Variants in LUZP2 observed in about 807,000 individuals in gnomAD.
LUZP2 encodes leucine zipper protein 2.
A neutral mutation model predicts 51.6 loss-of-function variants in LUZP2; 52 were observed. That is an observed-to-expected ratio of 1.01 (90% CI 0.81 to 1.27). The LOEUF is 1.27. Among genes scored for constraint, LUZP2 ranks in the 50% most tolerant of loss-of-function variants. LUZP2 has a pLI of 0.00. For missense variants in LUZP2, 436 were observed against 395.4 expected (o/e 1.10, Z -0.87); for synonymous variants, 154 against 137.3 (o/e 1.12, Z -0.85).
At chr11:24,780,888 C>T (rs1446803552) in intron 5 of LUZP2, among the ~76,000 whole-genome samples, 2 of 152,148 alleles carry the variant, frequency 1.3e-5, no homozygotes, top group Admixed American at 1.3e-4. Context: ...AAGACACCAA[C>T]TTAAATGTGA....
chr11:24,904,049 A>G (rs1484673732), intron 5 of LUZP2, among the ~76,000 whole-genome samples: 2 of 152,116 alleles, frequency 1.3e-5, no homozygotes, highest in Admixed American at 6.5e-5. Context: ...AGACACTTCC[A>G]TACTGTTTTC....
intron 1 of LUZP2, among the ~76,000 whole-genome samples, chr11:24,599,964 T>A (rs1350042836): frequency 6.6e-6 from 1 of 152,140 alleles, no homozygotes; most frequent in East Asian, 1.9e-4. Flanking sequence ...TTCTTTGTTT[T>A]CAAGTAAACT....
At chr11:24,718,077 C>G (rs117980628) in intron 1 of LUZP2, among the ~76,000 whole-genome samples, 1,537 of 152,258 alleles carry the variant, frequency 0.01, 9 homozygotes, top group Non-Finnish European at 0.017. Context: ...CTTTAAGCAT[C>G]GTAGAGCAAA....
intron 7 of LUZP2, among the ~76,000 whole-genome samples, chr11:24,936,185 G>GA (rs1278408200): frequency 6.6e-6 from 1 of 152,022 alleles, no homozygotes; most frequent in Non-Finnish European, 1.5e-5. Flanking sequence ...TATAGTTTAT[G>GA]AAAAAAATTG....
intron 5 of LUZP2, among the ~76,000 whole-genome samples, chr11:24,826,015 T>C (rs1203063035): frequency 3.3e-5 from 5 of 150,692 alleles, no homozygotes; most frequent in Non-Finnish European, 5.9e-5. Context: ...CTACTAAAAA[T>C]ACAAAAAATT....
intron 1 of LUZP2, among the ~76,000 whole-genome samples, chr11:24,625,300 A>G (rs1590259327): frequency 6.6e-6 from 1 of 151,744 alleles, no homozygotes; most frequent in South Asian, 2.1e-4. Flanking sequence ...TATGTATTGT[A>G]TACTTGAAAT....
At chr11:25,056,812 G>A (rs1368894898) in intron 10 of LUZP2, among the ~76,000 whole-genome samples, 2 of 151,874 alleles carry the variant, frequency 1.3e-5, no homozygotes, top group Non-Finnish European at 2.9e-5. Context: ...TAAACACTTT[G>A]AGAAATTGCC....
At chr11:24,952,300 GA>G (rs1855100608) in intron 7 of LUZP2, among the ~76,000 whole-genome samples, 1 of 151,558 alleles carries the variant, frequency 6.6e-6, no homozygotes, top group Non-Finnish European at 1.5e-5. Context: ...ATTTTTTAGA[GA>G]ATATAATGTT....
chr11:24,758,289 A>G (rs1447462962), intron 4 of LUZP2, among the ~76,000 whole-genome samples: 3 of 151,894 alleles, frequency 2.0e-5, no homozygotes, highest in East Asian at 1.9e-4. Flanking sequence ...CCATAAAGAG[A>G]TGACAGAATC....
At chr11:24,743,634 A>G (rs1039984126) in intron 4 of LUZP2, among the ~76,000 whole-genome samples, 2 of 152,066 alleles carry the variant, frequency 1.3e-5, no homozygotes, top group African/African-American at 4.8e-5. Context: ...ATCATCAGCA[A>G]ACAATGACAG....
At chr11:25,053,198 G>C (rs1319868468) in intron 10 of LUZP2, among the ~76,000 whole-genome samples, 1 of 152,104 alleles carries the variant, frequency 6.6e-6, no homozygotes, top group Admixed American at 6.6e-5. Flanking sequence ...TAAAGATGAA[G>C]TGTAACATGA....
At chr11:24,657,432 A>G (rs539662670) in intron 1 of LUZP2, among the ~76,000 whole-genome samples, 63 of 152,316 alleles carry the variant, frequency 4.1e-4, no homozygotes, top group African/African-American at 1.5e-3. Context: ...ATATTTCAAA[A>G]TAATAAGAGC....
At chr11:24,890,890 A>G in intron 5 of LUZP2, 2 of 760,674 alleles carry the variant, frequency 2.6e-6, no homozygotes, top group Non-Finnish European at 3.1e-6. Context: ...GAGGAGTAAA[A>G]GTTCTTTTTT....
intron 1 of LUZP2, among the ~76,000 whole-genome samples, chr11:24,644,270 C>T (rs1432354796): frequency 2.0e-5 from 3 of 152,108 alleles, no homozygotes; most frequent in African/African-American, 4.8e-5. Flanking sequence ...TTGCTGGCAG[C>T]TGGATCTGCA....
chr11:24,893,140 T>C (rs922470899), intron 5 of LUZP2: 1 of 152,210 alleles, frequency 6.6e-6, no homozygotes, highest in Non-Finnish European at 1.5e-5. Flanking sequence ...GACAATGGAT[T>C]GCCAGCTTAA....
At position 24,510,099 on chromosome 11, in the gene LUZP2, T is replaced by A. The variant is rs147221158; in HGVS notation, c.62+12794T>A. ...GAGAATTTTAGTAATGGCAGCCAGG[T>A]AGCTTAAACCCAGCGCTCTGAATTC... On this transcript the variant is annotated intron_variant, in intron 1 of 11. Transcript: ENST00000336930. Among the ~76,000 whole-genome samples, 493 of 152,314 alleles carry A rather than the reference T, an allele frequency of 3.2e-3. 3 individuals carry two copies. The highest frequency in any genetic ancestry group is 0.011 in the African/African-American group (452 of 41,580).
At chr11:24,839,211 G>A (rs2716506) in intron 5 of LUZP2, among the ~76,000 whole-genome samples, 140,481 of 151,534 alleles carry the variant, frequency 0.93, 65,810 homozygotes, top group East Asian at 1. Context: ...ATTAGTCTAG[G>A]AATGATTCTC....
intron 5 of LUZP2, among the ~76,000 whole-genome samples, chr11:24,879,846 TTAATC>T (rs1852401980): frequency 8.1e-6 from 1 of 123,992 alleles, no homozygotes. Context: ...AAAGTCCTCT[TTAATC>T]TACCCTCTCC....
intron 5 of LUZP2, among the ~76,000 whole-genome samples, chr11:24,826,675 C>G (rs567839233): frequency 6.6e-6 from 1 of 152,090 alleles, no homozygotes; most frequent in Non-Finnish European, 1.5e-5. Context: ...AAACACTTCC[C>G]TGCCCACAAA....
Sources: allele counts gnomAD v4.1 joint callset (sites outside exome capture counted in the v4.1 genomes callset), GRCh38; gene constraint gnomAD v4.1.1; transcripts MANE v1.5; gene names NCBI Gene and HGNC (gene_info 2026-07-23, HGNC 2026-07-21).